ENO1: variants seen among roughly 807,000 people sequenced by gnomAD.
ENO1 encodes the protein alpha-enolase.
In ENO1, 33 loss-of-function variants were observed where a neutral mutation model predicts 46.3. That is an observed-to-expected ratio of 0.71 (90% CI 0.54 to 0.95). The LOEUF is 0.95. Among genes scored for constraint, ENO1 ranks in the 40% least tolerant of loss-of-function variants. The pLI is 0.00. For synonymous variants in ENO1, 220 were observed against 216.0 expected (o/e 1.02, Z -0.16); for missense variants, 488 against 553.3 (o/e 0.88, Z 1.18).
rs370203499 is a variant in ENO1, at chr1:8,865,267, C to T, written c.865+18G>A. The T allele has an allele frequency of 1.9e-6, 3 of 1,612,638 alleles. No individual in the cohort carries two copies. The highest frequency in any genetic ancestry group is 1.7e-6 in the Non-Finnish European group (2 of 1,178,834). On this transcript the variant is annotated intron_variant, in intron 8 of 11. Transcript: ENST00000234590. ...GGTCAGTGGCAGGAAAGGGAGATGG[C>T]ACTCGGGGAACACTCACCTGGGTAG... is the stretch of plus-strand genomic sequence containing the variant.
rs1190205953 is a variant in ENO1, at chr1:8,874,814, T to C, written c.85+10A>G. 1 of 1,608,828 alleles carries C rather than the reference T, an allele frequency of 6.2e-7. No individual in the cohort carries two copies. The highest frequency in any genetic ancestry group is 8.5e-7 in the Non-Finnish European group (1 of 1,177,374). On this transcript the variant is annotated intron_variant, in intron 2 of 11. Coordinates refer to ENST00000234590, the MANE Select transcript of ENO1 (RefSeq NM_001428.5). Reference sequence around the variant, plus strand: ...GAAGGAACCATGGAAACCAAGGAGGTGGCACATACCTTTTGAGGTGAAGAG... The same window carrying C: ...GAAGGAACCATGGAAACCAAGGAGGCGGCACATACCTTTTGAGGTGAAGAG...
In ENO1 at chr1:8,863,222, C is replaced by T. The variant is rs7523767; in HGVS notation, c.1176+13G>A. The T allele has an allele frequency of 8.3e-3, 13,312 of 1,613,514 alleles. 858 individuals are homozygous for T. In the African/African-American group the frequency reaches 0.15, roughly 18 times the overall value. Reference sequence around the variant, plus strand: ...TGAGGTCAGAGAAGAAAGGAGGAGACGCTCATTCTTACCTGCCCAGTGCAC... The same window carrying T: ...TGAGGTCAGAGAAGAAAGGAGGAGATGCTCATTCTTACCTGCCCAGTGCAC... On this transcript the variant is annotated intron_variant, in intron 10 of 11. Coordinates refer to ENST00000234590, the MANE Select transcript of ENO1 (RefSeq NM_001428.5).
intron 8 of ENO1, 108 bp from the exon 9 acceptor site, chr1:8,864,200 G>T: frequency 2.5e-6 from 3 of 1,214,314 alleles, no homozygotes; most frequent in Non-Finnish European, 3.6e-6. Flanking sequence ...GCCTCACAAT[G>T]CCCAAAAGCA....
At chr1:8,863,086 G>C (rs2641300) in intron 10 of ENO1, 141 bp from the exon 11 acceptor site, 2 of 1,333,264 alleles carry the variant, frequency 1.5e-6, no homozygotes, top group African/African-American at 1.5e-5. Context: ...CAGGCAGGGC[G>C]CTCATGCCCC....
chr1:8,861,462 G>C (rs377267127), intron 11 of ENO1, 33 bp from the exon 12 acceptor site: 2 of 1,610,678 alleles, frequency 1.2e-6, no homozygotes, highest in African/African-American at 2.7e-5. Context: ...AGATGGGGAG[G>C]AAAAAAGAAA....
At chr1:8,867,867 G>C (rs1642556098) in intron 5 of ENO1, 121 bp downstream of exon 5, 1 of 908,600 alleles carries the variant, frequency 1.1e-6, no homozygotes, top group African/African-American at 1.7e-5. Flanking sequence ...AAAGAAATGG[G>C]AAGAGACCAC....
Position 8,870,499 on chromosome 1 carries a change from C to G in ENO1, c.193G>C (p.Ala65Pro). The change falls in exon 4 of 12, where the codon GCT (alanine) becomes CCT (proline). Residue 65 changes from alanine to proline, a missense_variant. Coordinates refer to ENST00000234590, the MANE Select transcript of ENO1 (RefSeq NM_001428.5). ...TRYMGKGVSK[A>P]VEHINKTIAP... ...ATAGTTTTATTGATGTGCTCAACAGCCTTTGAGACACCTGGAAGGAACAAT... is the reference window on the plus strand; with the variant it reads ...ATAGTTTTATTGATGTGCTCAACAGGCTTTGAGACACCTGGAAGGAACAAT... The G allele has an allele frequency of 6.2e-7, 1 of 1,614,164 alleles. No individual in the cohort carries two copies. Among genetic ancestry groups the G allele is most frequent in the Non-Finnish European group, 8.5e-7 (1 of 1,180,040 alleles).
intron 9 of ENO1, 110 bp from the exon 10 acceptor site, chr1:8,863,453 G>C (rs1410059343): frequency 1.0e-5 from 11 of 1,065,618 alleles, no homozygotes; most frequent in Middle Eastern, 2.7e-4. Flanking sequence ...GGCTGTTAAT[G>C]GCTAAAGCCC....
chr1:8,867,197 C>T lies in ENO1; in HGVS notation c.364G>A (p.Gly122Ser). The T allele has an allele frequency of 1.2e-6, 2 of 1,614,214 alleles. No homozygotes were observed. The highest frequency in any genetic ancestry group is 1.7e-6 in the Non-Finnish European group (2 of 1,180,034). ...AGGGGGACCCCCTTCTCAACGGCACCAGCTTTGCAGACGGCAAGGGACACC... is the reference window on the plus strand; with the variant it reads ...AGGGGGACCCCCTTCTCAACGGCACTAGCTTTGCAGACGGCAAGGGACACC... ...LGVSLAVCKA[G>S]AVEKGVPLYR... The change falls in exon 6 of 12, where the codon GGT becomes AGT. Residue 122 changes from glycine to serine, a missense_variant. Gly to Ser is a moderately conservative substitution (Grantham distance 56). Coordinates refer to ENST00000234590, the MANE Select transcript of ENO1 (RefSeq NM_001428.5).
At chr1:8,861,706 A>T (rs1205488379) in intron 11 of ENO1, among the ~76,000 whole-genome samples, 2 of 152,090 alleles carry the variant, frequency 1.3e-5, no homozygotes, top group Admixed American at 6.5e-5. Flanking sequence ...TCTCCCCGTC[A>T]GTGTTGCAGA....
chr1:8,870,235 T>C, intron 4 of ENO1: 1 of 573,540 alleles, frequency 1.7e-6, no homozygotes, highest in South Asian at 2.3e-5. Flanking sequence ...TCGAAGTGTC[T>C]CATTCTTCTG....
chr1:8,861,403 G>A lies in ENO1; in HGVS notation c.1262C>T (p.Ala421Val). 6.2e-7 allele frequency: 1 copy of A among 1,614,104 alleles called. No individual in the cohort carries two copies. Among genetic ancestry groups the A allele is most frequent in the Non-Finnish European group, 8.5e-7 (1 of 1,180,012 alleles). ...LRIEEELGSK[A>V]KFAGRNFRNP... The stretch of plus-strand genomic sequence containing the variant: ...TCTGAAGTTCCTGCCGGCAAACTTA[G>A]CCTTGCTGCCCAGCTCCTCTTCAAT... Residue 421 changes from alanine to valine, a missense_variant, in exon 12 of 12, where the codon GCT (alanine) becomes GTT (valine). Ala to Val is a moderately conservative substitution (Grantham distance 64). Coordinates refer to ENST00000234590, the MANE Select transcript of ENO1 (RefSeq NM_001428.5).
chr1:8,861,335 A>AC lies in ENO1; in HGVS notation c.*24dup. 1 of 1,612,898 alleles carries AC rather than the reference A, an allele frequency of 6.2e-7. No homozygotes were observed. The highest frequency in any genetic ancestry group is 8.5e-7 in the Non-Finnish European group (1 of 1,179,846). On this transcript the variant is annotated 3_prime_UTR_variant, in exon 12 of 12. Coordinates refer to ENST00000234590, the MANE Select transcript of ENO1 (RefSeq NM_001428.5). The stretch of plus-strand genomic sequence containing the variant: ...GAGGGGTCTGTGTAGCCAACAGGTG[A>AC]CCGAAGGGCTTGCCTGCCCACAGCT...
chr1:8,861,459 G>A lies in ENO1; in HGVS notation c.1236-30C>T, dbSNP rs567833503. 424 of 1,612,514 alleles carry A rather than the reference G, an allele frequency of 2.6e-4. 5 individuals are homozygous for A. The highest frequency in any genetic ancestry group is 2.4e-3 in the South Asian group (223 of 91,024). ...GGAAGGAGAAAGGTAAAGAGATGGG[G>A]AGGAAAAAAGAAAAGTCAGACCTCA... is the stretch of plus-strand genomic sequence containing the variant. On this transcript the variant is annotated intron_variant, in intron 11 of 11. Coordinates refer to ENST00000234590, the MANE Select transcript of ENO1 (RefSeq NM_001428.5).
chr1:8,871,697 G>C, intron 3 of ENO1, 194 bp downstream of exon 3: 1 of 1,325,534 alleles, frequency 7.5e-7, no homozygotes, highest in Non-Finnish European at 9.9e-7. Context: ...TGCAGGCTCG[G>C]GAACCCCGGA....
intron 9 of ENO1, 148 bp from the exon 10 acceptor site, chr1:8,863,491 A>G: frequency 1.3e-6 from 1 of 781,034 alleles, no homozygotes; most frequent in Non-Finnish European, 2.0e-6. Flanking sequence ...TCAAGAGCAC[A>G]GAGGAGAACC....
At chr1:8,873,562 G>A (rs1015173222) in intron 2 of ENO1, among the ~76,000 whole-genome samples, 2 of 152,142 alleles carry the variant, frequency 1.3e-5, no homozygotes, top group Non-Finnish European at 2.9e-5. Context: ...CTGGATGAAG[G>A]GAATTCTTGG....
rs765726565 is a variant in ENO1 at position 8,868,012 on chromosome 1, C to T, written c.286G>A (p.Glu96Lys). The change falls in exon 5 of 12, where the codon GAG becomes AAG. Residue 96 changes from glutamate to lysine, a missense_variant. By Grantham distance (56) the Glu-to-Lys change is moderately conservative. Coordinates refer to ENST00000234590, the MANE Select transcript of ENO1 (RefSeq NM_001428.5). ...EQEKIDKLMI[E>K]MDGTENKSKF... ...CATTTATTTTCTGTTCCATCCATCT[C>T]GATCATCAGTTTGTCAATCTTCTCT... The T allele has an allele frequency of 8.1e-6, 13 of 1,613,932 alleles. No individual in the cohort carries two copies. The highest frequency in any genetic ancestry group is 1.7e-5 in the Admixed American group (1 of 59,984).
chr1:8,861,537 G>C (rs896002280), intron 11 of ENO1, 108 bp from the exon 12 acceptor site: 3 of 1,136,934 alleles, frequency 2.6e-6, no homozygotes, highest in Non-Finnish European at 3.8e-6. Flanking sequence ...CCCACTCCTG[G>C]GAAGTTGAGA....
Sources: gnomAD v4.1 joint callset for allele counts (sites outside exome capture counted in the v4.1 genomes callset) on GRCh38, gnomAD v4.1.1 for gene constraint, MANE v1.5 for transcripts, NCBI Gene and HGNC (gene_info 2026-07-23, HGNC 2026-07-21) for gene names.